The following NKAIN2 variants were observed in gnomAD, a reference collection of about 807,000 sequenced individuals.
NKAIN2 encodes the protein sodium/potassium transporting ATPase interacting 2.
Under a neutral mutation model 32.6 loss-of-function variants are expected in NKAIN2, and 14 were observed. The observed-to-expected ratio is 0.43, with a 90% CI of 0.28 to 0.67. The LOEUF is 0.67. Ranked by LOEUF, NKAIN2 falls within the 30% of genes least tolerant of loss-of-function variation. The pLI, the probability that NKAIN2 is intolerant of heterozygous loss-of-function variation, is 0.17. For missense variants in NKAIN2, 198 were observed against 258.3 expected, an observed-to-expected ratio of 0.77 and a Z score of 1.60; for synonymous variants, 80 against 87.2, an observed-to-expected ratio of 0.92 and a Z score of 0.46.
At chr6:124,369,620 A>G (rs1250177629) in intron 3 of NKAIN2, among the ~76,000 whole-genome samples, 2 of 152,102 alleles carry the variant, frequency 1.3e-5, no homozygotes, top group Non-Finnish European at 2.9e-5. Context: ...CTTTTCTTCC[A>G]GTGTGGCCCA....
chr6:124,467,155 CAT>C (rs1776792844), intron 3 of NKAIN2, among the ~76,000 whole-genome samples: 1 of 152,098 alleles, frequency 6.6e-6, no homozygotes, highest in Non-Finnish European at 1.5e-5. Context: ...GGAAAATTGC[CAT>C]GATCCCAGAC....
chr6:124,244,577 A>G (rs574162504), intron 1 of NKAIN2, among the ~76,000 whole-genome samples: 217 of 152,112 alleles, frequency 1.4e-3, no homozygotes, highest in African/African-American at 5.2e-3. Context: ...GAGATGATAT[A>G]CCTAAATAAT....
At chr6:124,247,499 G>T (rs1793471736) in intron 1 of NKAIN2, among the ~76,000 whole-genome samples, 1 of 152,064 alleles carries the variant, frequency 6.6e-6, no homozygotes, top group Admixed American at 6.6e-5. Flanking sequence ...CAAGTCCTCA[G>T]ATCTATATGA....
At chr6:124,361,789 G>A (rs962522378) in intron 3 of NKAIN2, among the ~76,000 whole-genome samples, 1 of 152,044 alleles carries the variant, frequency 6.6e-6, no homozygotes, top group Non-Finnish European at 1.5e-5. Context: ...GTCATATACT[G>A]TAGACTATAG....
chr6:123,911,815 A>ATG (rs1562253548), intron 1 of NKAIN2, among the ~76,000 whole-genome samples: 1 of 26,576 alleles, frequency 3.8e-5, no homozygotes, highest in East Asian at 1.8e-3. Context: ...ATATATATAC[A>ATG]CACACACACA....
At chr6:124,278,650 C>CATATATATATATATAT (rs57008229) in intron 1 of NKAIN2, among the ~76,000 whole-genome samples, 12 of 68,982 alleles carry the variant, frequency 1.7e-4, no homozygotes, top group South Asian at 5.9e-4. Flanking sequence ...ATACATAGCT[C>CATATATATATATATAT]ATATATATAT....
At chr6:124,098,827 G>A (rs1019276822) in intron 1 of NKAIN2, among the ~76,000 whole-genome samples, 7 of 152,050 alleles carry the variant, frequency 4.6e-5, no homozygotes, top group Middle Eastern at 3.4e-3. Context: ...CCGAGATCAC[G>A]CCACTGCACT....
At chr6:123,859,381 T>C (rs953866277) in intron 1 of NKAIN2, among the ~76,000 whole-genome samples, 6 of 152,134 alleles carry the variant, frequency 3.9e-5, no homozygotes, top group African/African-American at 1.4e-4. Context: ...AACAGTCATA[T>C]TGCAATGAGA....
chr6:123,944,341 A>C (rs774289813), intron 1 of NKAIN2, among the ~76,000 whole-genome samples: 10 of 152,026 alleles, frequency 6.6e-5, no homozygotes, highest in Non-Finnish European at 1.3e-4. Flanking sequence ...TTAACCCCTA[A>C]TCAGACTTCA....
At chr6:124,162,642 A>G (rs1788337553) in intron 1 of NKAIN2, among the ~76,000 whole-genome samples, 1 of 152,064 alleles carries the variant, frequency 6.6e-6, no homozygotes, top group African/African-American at 2.4e-5. Context: ...GTGAATGTTG[A>G]TCACAAACTC....
chr6:123,937,800 T>C (rs1046872735), intron 1 of NKAIN2, among the ~76,000 whole-genome samples: 5 of 152,114 alleles, frequency 3.3e-5, no homozygotes, highest in African/African-American at 1.2e-4. Flanking sequence ...TGAACTGTTA[T>C]CTAGCTCAGT....
chr6:124,352,509 A>G (rs534667025), intron 2 of NKAIN2, among the ~76,000 whole-genome samples: 2 of 152,338 alleles, frequency 1.3e-5, no homozygotes, highest in South Asian at 2.1e-4. Flanking sequence ...TTTAAATACT[A>G]TATTGGAAAG....
intron 3 of NKAIN2, among the ~76,000 whole-genome samples, chr6:124,481,661 T>A (rs1398776805): frequency 6.6e-6 from 1 of 152,166 alleles, no homozygotes; most frequent in Non-Finnish European, 1.5e-5. Context: ...AAAATTCTTT[T>A]TACCAGGTTT....
intron 1 of NKAIN2, among the ~76,000 whole-genome samples, chr6:123,872,096 ATGTT>A (rs746167140): frequency 6.6e-6 from 1 of 152,112 alleles, no homozygotes; most frequent in Non-Finnish European, 1.5e-5. Flanking sequence ...AATTACAATT[ATGTT>A]TATTATTATT....
intron 1 of NKAIN2, among the ~76,000 whole-genome samples, chr6:124,099,764 T>C (rs71574845): frequency 0.03 from 4,611 of 152,234 alleles, 114 homozygotes; most frequent in Non-Finnish European, 0.045. Flanking sequence ...AGCCCAGACA[T>C]GCTGCTAAAC....
intron 1 of NKAIN2, among the ~76,000 whole-genome samples, chr6:124,237,005 G>C (rs1386896525): frequency 6.6e-6 from 1 of 152,168 alleles, no homozygotes; most frequent in Non-Finnish European, 1.5e-5. Context: ...AAGAAGTTGG[G>C]TGTGTGGGAT....
At chr6:123,944,751 C>T (rs752138130) in intron 1 of NKAIN2, among the ~76,000 whole-genome samples, 17 of 151,460 alleles carry the variant, frequency 1.1e-4, no homozygotes, top group Non-Finnish European at 2.1e-4. Context: ...GCAGCAATGA[C>T]TTGGACTTTT....
chr6:124,018,700 A>G (rs1780714300), intron 1 of NKAIN2, among the ~76,000 whole-genome samples: 1 of 152,112 alleles, frequency 6.6e-6, no homozygotes, highest in African/African-American at 2.4e-5. Context: ...CATTGTCCAT[A>G]TGACTATCAG....
chr6:124,624,359 T>C lies in NKAIN2; in HGVS notation c.274-33827T>C, dbSNP rs951842115. Among the ~76,000 whole-genome samples, 13 of 152,238 alleles carry C rather than the reference T, an allele frequency of 8.5e-5. No homozygotes were observed. In the South Asian group the frequency reaches 1.9e-3, roughly 22 times the overall value. On this transcript the variant is annotated intron_variant, in intron 3 of 6. Transcript: ENST00000368417. ...GAACACTGGGGTAAGATCTGGGAGA[T>C]TGGGAACCTCCATCAGGTTCTGCTA...
Sources: allele counts gnomAD v4.1 joint callset (sites outside exome capture counted in the v4.1 genomes callset), GRCh38; gene constraint gnomAD v4.1.1; transcripts MANE v1.5; gene names NCBI Gene and HGNC (gene_info 2026-07-23, HGNC 2026-07-21).